Variants in CCDC60 observed in about 807,000 individuals in gnomAD.
CCDC60 encodes coiled-coil domain containing 60.
A neutral mutation model predicts 63.5 loss-of-function variants in CCDC60; 54 were observed. The observed-to-expected ratio is 0.85, with a 90% confidence interval of 0.68 to 1.07. CCDC60 has a LOEUF of 1.07. CCDC60 is among the 50% of genes least tolerant of loss of function. The pLI, the probability that CCDC60 is intolerant of heterozygous loss-of-function variation, is 0.00. For synonymous variants in CCDC60, 206 were observed against 238.8 expected, an observed-to-expected ratio of 0.86 and a Z score of 1.27; for missense variants, 651 against 684.3, an observed-to-expected ratio of 0.95 and a Z score of 0.54.
chr12:119,343,814 C>T (rs1373648710), intron 1 of CCDC60, among the ~76,000 whole-genome samples: 5 of 151,884 alleles, frequency 3.3e-5, no homozygotes, highest in Admixed American at 2.6e-4. Flanking sequence ...ACCTAGAACT[C>T]ATTTTCTAAT....
intron 1 of CCDC60, among the ~76,000 whole-genome samples, chr12:119,378,886 A>T (rs1161250472): frequency 6.6e-6 from 1 of 152,222 alleles, no homozygotes; most frequent in African/African-American, 2.4e-5. Context: ...CCATAGACGA[A>T]TCTTCCCTCT....
At chr12:119,376,589 C>T (rs1019144182) in intron 1 of CCDC60, among the ~76,000 whole-genome samples, 6 of 152,080 alleles carry the variant, frequency 3.9e-5, no homozygotes, top group Non-Finnish European at 8.8e-5. Flanking sequence ...AATTGAGTCA[C>T]AGCACTCCAG....
At chr12:119,513,698 C>A (rs1003372759) in intron 7 of CCDC60, among the ~76,000 whole-genome samples, 3 of 152,152 alleles carry the variant, frequency 2.0e-5, no homozygotes, top group African/African-American at 7.2e-5. Context: ...TAGAGTGAAG[C>A]TGAAAAATTC....
In CCDC60 at chr12:119,505,218, TG is replaced by T. The variant is rs1461873329; in HGVS notation, c.799del (p.Val267Ter). On this transcript the variant is annotated frameshift_variant, in exon 7 of 14. Transcript: ENST00000327554. LOFTEE classifies it high-confidence loss of function. ...VNPGSDEPPSVNTQVTSSKDI... is the reference protein window; with the variant it reads ...VNPGSDEPPSXNTQVTSSKDI... ...ACCCTGGCTCGGATGAGCCCCCAAG[TG>T]TGAACACCCAGGTGACCAGCAGCAA... is the stretch of plus-strand genomic sequence containing the variant. 1 of 1,613,840 alleles carries T rather than the reference TG, an allele frequency of 6.2e-7. No individual in the cohort carries two copies. Among genetic ancestry groups the T allele is most frequent in the Non-Finnish European group, 8.5e-7 (1 of 1,180,024 alleles).
intron 6 of CCDC60, 151 bp downstream of exon 6, chr12:119,500,319 T>C (rs1593178130): frequency 1.6e-6 from 1 of 631,526 alleles, no homozygotes; most frequent in Non-Finnish European, 2.8e-6. Context: ...TGTTGGATGG[T>C]TTTTGTAAAT....
At chr12:119,495,726 A>T (rs1450402673) in intron 5 of CCDC60, among the ~76,000 whole-genome samples, 1 of 152,166 alleles carries the variant, frequency 6.6e-6, no homozygotes, top group Non-Finnish European at 1.5e-5. Context: ...CACTTTCCTC[A>T]AGCCTGGCTT....
intron 1 of CCDC60, among the ~76,000 whole-genome samples, chr12:119,414,080 G>A (rs191211324): frequency 2.0e-5 from 3 of 152,116 alleles, no homozygotes; most frequent in East Asian, 3.9e-4. Context: ...GTGCAGTGGT[G>A]CGATCTTGGC....
chr12:119,347,266 G>A (rs1441839375), intron 1 of CCDC60, among the ~76,000 whole-genome samples: 1 of 152,104 alleles, frequency 6.6e-6, no homozygotes, highest in African/African-American at 2.4e-5. Flanking sequence ...AGGAAGACAG[G>A]CCCAACTAAT....
chr12:119,494,413 C>G (rs1360191343), intron 5 of CCDC60, among the ~76,000 whole-genome samples: 1 of 152,208 alleles, frequency 6.6e-6, no homozygotes, highest in Non-Finnish European at 1.5e-5. Context: ...GTGCTTTCCC[C>G]TGGTGCCACA....
At chr12:119,365,400 G>A (rs1955831101) in intron 1 of CCDC60, among the ~76,000 whole-genome samples, 1 of 152,206 alleles carries the variant, frequency 6.6e-6, no homozygotes, top group Non-Finnish European at 1.5e-5. Flanking sequence ...TTCCTCGTTT[G>A]TATTTAGTTC....
intron 1 of CCDC60, among the ~76,000 whole-genome samples, chr12:119,349,337 CTTTTTTT>C (rs34682909): frequency 7.9e-6 from 1 of 126,280 alleles, no homozygotes; most frequent in Non-Finnish European, 1.7e-5. Context: ...GGGCGTGTTC[CTTTTTTT>C]TTTTTTTTTT....
intron 1 of CCDC60, among the ~76,000 whole-genome samples, chr12:119,378,263 T>G (rs1786756342): frequency 6.6e-6 from 1 of 152,200 alleles, no homozygotes; most frequent in African/African-American, 2.4e-5. Context: ...ATGTTGAACA[T>G]GCCTGGCCCT....
intron 1 of CCDC60, among the ~76,000 whole-genome samples, chr12:119,361,769 C>T (rs890133174): frequency 1.3e-5 from 2 of 152,148 alleles, no homozygotes; most frequent in Admixed American, 1.3e-4. Context: ...AAAAAACTGG[C>T]AACAGCCCAA....
intron 12 of CCDC60, among the ~76,000 whole-genome samples, chr12:119,529,565 T>G (rs550801269): frequency 1.3e-5 from 2 of 152,268 alleles, no homozygotes; most frequent in Admixed American, 1.3e-4. Flanking sequence ...ATCCCTTCCA[T>G]GAGTTTTATA....
chr12:119,537,693 T>A (rs1193962895), intron 13 of CCDC60, among the ~76,000 whole-genome samples: 1 of 151,666 alleles, frequency 6.6e-6, no homozygotes, highest in African/African-American at 2.4e-5. Flanking sequence ...TCTGTTGGAG[T>A]TTGCTGGAGG....
intron 2 of CCDC60, among the ~76,000 whole-genome samples, chr12:119,442,306 A>AG (rs1445227488): frequency 6.6e-6 from 1 of 152,212 alleles, no homozygotes; most frequent in East Asian, 1.9e-4. Flanking sequence ...ATATCTACAA[A>AG]GGCAGACAAT....
chr12:119,490,913 G>C (rs530162469), intron 5 of CCDC60, among the ~76,000 whole-genome samples: 3 of 152,254 alleles, frequency 2.0e-5, no homozygotes, highest in African/African-American at 7.2e-5. Context: ...TACAATTTAT[G>C]CTTATGGAAA....
chr12:119,443,796 C>A (rs1330515780), intron 2 of CCDC60, among the ~76,000 whole-genome samples: 1 of 152,180 alleles, frequency 6.6e-6, no homozygotes, highest in Non-Finnish European at 1.5e-5. Flanking sequence ...CTGGCTCTAC[C>A]ACCTACTAGC....
intron 5 of CCDC60, among the ~76,000 whole-genome samples, chr12:119,496,155 G>T (rs534051219): frequency 6.6e-6 from 1 of 152,066 alleles, no homozygotes; most frequent in African/African-American, 2.4e-5. Flanking sequence ...CTCTGCCCCC[G>T]CCCTGCTGCA....
Sources: allele counts gnomAD v4.1 joint callset (sites outside exome capture counted in the v4.1 genomes callset), GRCh38; gene constraint gnomAD v4.1.1; transcripts MANE v1.5; gene names NCBI Gene and HGNC (gene_info 2026-07-23, HGNC 2026-07-21).